The following FAM131C variants were observed in gnomAD, a reference collection of about 807,000 sequenced individuals.
FAM131C encodes the protein protein FAM131C.
FAM131C carries 14 observed loss-of-function variants against 29.8 expected under a neutral mutation model. The observed-to-expected ratio is 0.47, with a 90% CI of 0.31 to 0.73. FAM131C has a LOEUF of 0.73. Ranked by LOEUF, FAM131C falls within the 30% of genes least tolerant of loss-of-function variation. The pLI, the probability that FAM131C is intolerant of heterozygous loss-of-function variation, is 0.05. For missense variants in FAM131C, 252 were observed against 383.8 expected (o/e 0.66, Z 2.87); for synonymous variants, 86 against 157.8 (o/e 0.54, Z 3.41).
chr1:16,063,436 C>G, intron 2 of FAM131C, 85 bp downstream of exon 2: 1 of 1,070,518 alleles, frequency 9.3e-7, no homozygotes, highest in South Asian at 1.3e-5. Context: ...AGGAAGGAGA[C>G]TGGAATGGAT....
intron 1 of FAM131C, among the ~76,000 whole-genome samples, chr1:16,064,262 G>A (rs1250595828): frequency 2.0e-5 from 3 of 151,982 alleles, no homozygotes; most frequent in Admixed American, 6.6e-5. Context: ...CCCACACACT[G>A]CTGGGGGCTT....
chr1:16,070,105 T>C (rs1463200693), intron 1 of FAM131C, among the ~76,000 whole-genome samples: 2 of 152,072 alleles, frequency 1.3e-5, no homozygotes, highest in East Asian at 3.9e-4. Context: ...GTTTCCACAC[T>C]CAGGCTCTGG....
chr1:16,062,394 C>T (rs868825191), intron 3 of FAM131C, 105 bp downstream of exon 3: 54 of 1,172,034 alleles, frequency 4.6e-5, no homozygotes, highest in Admixed American at 6.4e-5. Flanking sequence ...CCCCCCCCCC[C>T]GCCCCAGGGC....
At chr1:16,072,098 C>T (rs1197190977) in intron 1 of FAM131C, among the ~76,000 whole-genome samples, 2 of 152,208 alleles carry the variant, frequency 1.3e-5, no homozygotes, top group Non-Finnish European at 2.9e-5. Context: ...CCTCCCGTAC[C>T]AGGTGCTGTG....
At chr1:16,070,079 G>C (rs2023732982) in intron 1 of FAM131C, among the ~76,000 whole-genome samples, 1 of 152,162 alleles carries the variant, frequency 6.6e-6, no homozygotes, top group Non-Finnish European at 1.5e-5. Context: ...AGGGACGTAA[G>C]AAAGCAAAGG....
chr1:16,062,052 G>A (rs1344606891), intron 4 of FAM131C, 47 bp downstream of exon 4: 2 of 1,587,520 alleles, frequency 1.3e-6, no homozygotes, highest in South Asian at 2.3e-5. Flanking sequence ...GGTCTAGGGT[G>A]GGACCGTGCA....
chr1:16,063,524 G>A lies in FAM131C; in HGVS notation c.135C>T (p.Gly45=), dbSNP rs748863514. 1.9e-6 allele frequency: 3 copies of A among 1,612,182 alleles called. No individual in the cohort carries two copies. The highest frequency in any genetic ancestry group is 2.7e-5 in the African/African-American group (2 of 74,880). The stretch of plus-strand genomic sequence containing the variant: ...GGGATGAGGAGCAGCCAGTTACCTT[G>A]CCAATGACACAGTCTGGAGCCACGG... ...TPTVAPDCVI[G]KDKQMDFCWD... Residue 45 remains glycine, a synonymous_variant, in exon 2 of 7, where the codon GGC becomes GGT. Coordinates refer to ENST00000375662, the MANE Select transcript of FAM131C (RefSeq NM_182623.3).
At chr1:16,058,757 A>C in intron 6 of FAM131C, 40 bp from the exon 7 acceptor site, 2 of 1,454,464 alleles carry the variant, frequency 1.4e-6, no homozygotes, top group Non-Finnish European at 1.9e-6. Flanking sequence ...GGCGTCCCAG[A>C]TCCAGCTCCT....
chr1:16,069,871 C>A (rs545741714), intron 1 of FAM131C, among the ~76,000 whole-genome samples: 84 of 152,332 alleles, frequency 5.5e-4, no homozygotes, highest in African/African-American at 2.0e-3. Flanking sequence ...AAGCCATCCT[C>A]CTGCCTCAGC....
intron 3 of FAM131C, 28 bp from the exon 4 acceptor site, chr1:16,062,220 A>G: frequency 5.0e-6 from 8 of 1,598,544 alleles, no homozygotes; most frequent in Non-Finnish European, 6.8e-6. Context: ...AGGAGTGAGC[A>G]GGGTGGGCCA....
Position 16,057,955 on chromosome 1 carries a change from G to A in FAM131C, c.*482C>T, listed in dbSNP as rs2023505633. The A allele has an allele frequency of 6.3e-6, 1 of 159,072 alleles. No homozygotes were observed. The highest frequency in any genetic ancestry group is 1.4e-5 in the Non-Finnish European group (1 of 72,232). The allele number at this position is 159,072 out of a possible 1,614,324, so 9.9% of individuals were successfully genotyped here. ...GATGTCCTGGGTGAAGAGAGCCGGG[G>A]AGCAGGTGCTTAGCTACCAGAAGTG... On this transcript the variant is annotated 3_prime_UTR_variant, in exon 7 of 7. Coordinates refer to ENST00000375662, the MANE Select transcript of FAM131C (RefSeq NM_182623.3).
chr1:16,065,670 G>A (rs756577592), intron 1 of FAM131C, among the ~76,000 whole-genome samples: 1 of 152,166 alleles, frequency 6.6e-6, no homozygotes, highest in Admixed American at 6.5e-5. Context: ...TTTTGTCTGG[G>A]ATCCGAAAAT....
intron 4 of FAM131C, among the ~76,000 whole-genome samples, chr1:16,060,964 G>A (rs2023584163): frequency 2.0e-5 from 3 of 152,140 alleles, no homozygotes; most frequent in Non-Finnish European, 4.4e-5. Flanking sequence ...GAGGGGTCGG[G>A]GGCTTTGGGA....
Position 16,058,481 on chromosome 1 carries a change from C to G in FAM131C, c.799G>C (p.Asp267His). 1.3e-6 allele frequency: 2 copies of G among 1,496,492 alleles called. No individual in the cohort carries two copies. Among genetic ancestry groups the G allele is most frequent in the South Asian group, 2.7e-5 (2 of 73,944 alleles). 92.7% of individuals were successfully genotyped at this position (1,496,492 alleles called of 1,614,324 possible). A position where few individuals can be genotyped will look rare whatever the true frequency, so the allele number is the denominator to read the frequency against. Residue 267 changes from aspartate to histidine, a missense_variant, in exon 7 of 7, where the codon GAC (aspartate) becomes CAC (histidine). Around this residue, in one of 6 missense-constraint regions of FAM131C, gnomAD observed 42 missense variants for 51.7 expected, o/e 0.81. Transcript: ENST00000375662. ...TCCTCCTCCCAGAGGGAGCCGCTGT[C>G]CATGGAGGGGAGGGAGCCCGGGGGG... The part of the protein sequence containing the change: ...THPPGSLPSM[D>H]SGSLWEEDEV...
rs1199778608 is a variant in FAM131C, at chr1:16,070,482, T to C, written c.22+2939A>G. 3.2e-4 allele frequency among the ~76,000 whole-genome samples: 48 copies of C among 152,062 alleles called. 2 individuals are homozygous for C. The highest frequency in any genetic ancestry group is 1.0e-4 in the Non-Finnish European group (7 of 68,016). Reference sequence around the variant, plus strand: ...CAGCCATGAAGGCCCACATTAGCTGTCTGCACAGACAGGTAATAAAAATTA... The same window carrying C: ...CAGCCATGAAGGCCCACATTAGCTGCCTGCACAGACAGGTAATAAAAATTA... On this transcript the variant is annotated intron_variant, in intron 1 of 6. Transcript: ENST00000375662.
intron 3 of FAM131C, 110 bp downstream of exon 3, chr1:16,062,389 C>CCG (rs2023613579): frequency 6.4e-6 from 8 of 1,242,934 alleles, no homozygotes; most frequent in South Asian, 1.6e-5. Context: ...GGCCCCCCCC[C>CCG]CCCCCGCCCC....
At chr1:16,061,113 G>A (rs2124125497) in intron 4 of FAM131C, among the ~76,000 whole-genome samples, 1 of 152,276 alleles carries the variant, frequency 6.6e-6, no homozygotes, top group East Asian at 1.9e-4. Context: ...TATTTAAGTA[G>A]GAGGAAATAT....
At position 16,073,401 on chromosome 1, in the gene FAM131C, C is replaced by T. The variant is rs2023778953; in HGVS notation, c.22+20G>A. The T allele has an allele frequency of 1.7e-6, 2 of 1,204,346 alleles. No individual in the cohort carries two copies. The highest frequency in any genetic ancestry group is 3.2e-4 in the Middle Eastern group (1 of 3,078). The allele number at this position is 1,204,346 out of a possible 1,614,324, so 74.6% of individuals were successfully genotyped here. On this transcript the variant is annotated intron_variant, in intron 1 of 6. Transcript: ENST00000375662. ...GGTCCCCGGCACCCGATCCCCCCGCCCCCGGCCGGGCCCCCTCACCTCGCG... is the reference window on the plus strand; with the variant it reads ...GGTCCCCGGCACCCGATCCCCCCGCTCCCGGCCGGGCCCCCTCACCTCGCG...
rs558854508 is a variant in FAM131C at position 16,061,069 on chromosome 1, C to T, written c.269-1018G>A. On this transcript the variant is annotated intron_variant, in intron 4 of 6. Transcript: ENST00000375662. ...GCTGAGAATAGATCTGGGAGTCACCCGGGTCCCCGAAGCCATAATGTGAGG... is the reference window on the plus strand; with the variant it reads ...GCTGAGAATAGATCTGGGAGTCACCTGGGTCCCCGAAGCCATAATGTGAGG... Among the ~76,000 whole-genome samples, 82 of 151,962 alleles carry T rather than the reference C, an allele frequency of 5.4e-4. 1 individual carries two copies. Among genetic ancestry groups the T allele is most frequent in the Non-Finnish European group, 1.0e-3 (68 of 67,994 alleles).
Sources: gnomAD v4.1 joint callset for allele counts (sites outside exome capture counted in the v4.1 genomes callset) on GRCh38, gnomAD v4.1.1 for gene constraint, gnomAD v4.1.1 regional missense constraint, MANE v1.5 for transcripts, NCBI Gene and HGNC (gene_info 2026-07-23, HGNC 2026-07-21) for gene names.